The following DLGAP2 variants were observed in gnomAD, a reference collection of about 807,000 sequenced individuals.
DLGAP2 encodes disks large-associated protein 2.
Under a neutral mutation model 100.3 loss-of-function variants are expected in DLGAP2, and 26 were observed. The observed-to-expected ratio is 0.26, with a 90% CI of 0.19 to 0.36. DLGAP2 has a LOEUF of 0.36. Among genes scored for constraint, DLGAP2 ranks in the 10% least tolerant of loss-of-function variants. DLGAP2 has a pLI of 1.00. For missense variants in DLGAP2, 1,858 were observed against 1,453.2 expected, an observed-to-expected ratio of 1.28 and a Z score of -4.53; for synonymous variants, 886 against 630.1, an observed-to-expected ratio of 1.41 and a Z score of -6.08.
At chr8:1,011,706 G>C (rs1249252190) in intron 2 of DLGAP2, among the ~76,000 whole-genome samples, 1 of 149,156 alleles carries the variant, frequency 6.7e-6, no homozygotes, top group Admixed American at 6.7e-5. Context: ...GGAATGAGGA[G>C]TCTCAGTCTA....
At chr8:1,598,005 T>G (rs1796511753) in intron 6 of DLGAP2, among the ~76,000 whole-genome samples, 2 of 152,304 alleles carry the variant, frequency 1.3e-5, no homozygotes, top group South Asian at 2.1e-4. Context: ...GGCTGTGGGT[T>G]TGTCATAAAT....
intron 1 of DLGAP2, among the ~76,000 whole-genome samples, chr8:774,497 C>A (rs1177161406): frequency 4.6e-5 from 7 of 151,620 alleles, no homozygotes; most frequent in Non-Finnish European, 1.0e-4. Context: ...ACGTTTAAGT[C>A]TTTAATCCAT....
Position 1,654,627 on chromosome 8 carries a change from C to T in DLGAP2, c.1811-13702C>T, listed in dbSNP as rs113947560. On this transcript the variant is annotated intron_variant, in intron 8 of 14. Coordinates refer to ENST00000637795, the MANE Select transcript of DLGAP2 (RefSeq NM_001346810.2). Reference sequence around the variant, plus strand: ...AGTGAGCTGCGATCACGCCATTGCACTCCAGCCTGGGTGACAAGAGTGAAA... The same window carrying T: ...AGTGAGCTGCGATCACGCCATTGCATTCCAGCCTGGGTGACAAGAGTGAAA... 5.0e-3 allele frequency among the ~76,000 whole-genome samples: 754 copies of T among 149,772 alleles called. 6 individuals carry two copies. The highest frequency in any genetic ancestry group is 0.017 in the African/African-American group (699 of 40,404).
intron 2 of DLGAP2, among the ~76,000 whole-genome samples, chr8:1,192,513 CGTCTGTCTGAA>C (rs1797661195): frequency 6.6e-6 from 1 of 151,992 alleles, no homozygotes; most frequent in Non-Finnish European, 1.5e-5. Context: ...CCTGCTCCTC[CGTCTGTCTGAA>C]ATCTCATGCC....
chr8:1,484,678 A>G (rs1799193055), intron 3 of DLGAP2, among the ~76,000 whole-genome samples: 1 of 152,236 alleles, frequency 6.6e-6, no homozygotes, highest in South Asian at 2.1e-4. Flanking sequence ...CATTTGATAG[A>G]AAGATATTCA....
At chr8:1,302,982 C>T (rs1250074579) in intron 3 of DLGAP2, among the ~76,000 whole-genome samples, 1 of 152,246 alleles carries the variant, frequency 6.6e-6, no homozygotes, top group Non-Finnish European at 1.5e-5. Flanking sequence ...GGAGTCATTC[C>T]TTAGCTGTCG....
intron 1 of DLGAP2, among the ~76,000 whole-genome samples, chr8:868,558 T>C (rs909262247): frequency 2.0e-5 from 3 of 152,216 alleles, no homozygotes; most frequent in African/African-American, 7.2e-5. Context: ...GATGTGTCAC[T>C]AATCCAGAAA....
At chr8:1,012,069 T>G (rs543342177) in intron 2 of DLGAP2, among the ~76,000 whole-genome samples, 5 of 152,338 alleles carry the variant, frequency 3.3e-5, no homozygotes, top group Admixed American at 3.3e-4. Flanking sequence ...GTCCTTCACA[T>G]GCATGGCCCG....
intron 4 of DLGAP2, among the ~76,000 whole-genome samples, chr8:1,512,420 G>A (rs1250372736): frequency 6.6e-6 from 1 of 152,162 alleles, no homozygotes; most frequent in Non-Finnish European, 1.5e-5. Flanking sequence ...ATAGGGACGG[G>A]GCCAGCGTGG....
At chr8:1,204,055 C>G (rs1185199673) in intron 2 of DLGAP2, among the ~76,000 whole-genome samples, 3 of 152,224 alleles carry the variant, frequency 2.0e-5, no homozygotes. Flanking sequence ...CTGAGGATCT[C>G]AGGAGAATGC....
chr8:1,352,004 A>C (rs1474144076), intron 3 of DLGAP2, among the ~76,000 whole-genome samples: 1 of 64,634 alleles, frequency 1.5e-5, no homozygotes, highest in Admixed American at 2.3e-4. Flanking sequence ...GTGTGTGGAA[A>C]GGCCGTGCGG....
intron 3 of DLGAP2, among the ~76,000 whole-genome samples, chr8:1,337,504 A>T (rs1801315480): frequency 6.8e-6 from 1 of 148,020 alleles, no homozygotes; most frequent in Non-Finnish European, 1.5e-5. Context: ...GGTGATGAGG[A>T]TGATGATGGT....
At chr8:915,375 G>A (rs1044876327) in intron 2 of DLGAP2, among the ~76,000 whole-genome samples, 1 of 152,108 alleles carries the variant, frequency 6.6e-6, no homozygotes, top group Admixed American at 6.5e-5. Flanking sequence ...GTGAAACCCG[G>A]TCTCTACTAA....
chr8:1,675,304 AC>A, intron 10 of DLGAP2, among the ~76,000 whole-genome samples: 1 of 152,032 alleles, frequency 6.6e-6, no homozygotes, highest in Non-Finnish European at 1.5e-5. Context: ...CCTAGCCCTG[AC>A]CCCAACCAGG....
At chr8:1,200,305 G>C (rs948332494) in intron 2 of DLGAP2, among the ~76,000 whole-genome samples, 1 of 152,166 alleles carries the variant, frequency 6.6e-6, no homozygotes, top group Non-Finnish European at 1.5e-5. Context: ...GGGGTCCTGC[G>C]TGTTCTTTTC....
chr8:1,142,703 G>A (rs562952255), intron 2 of DLGAP2, among the ~76,000 whole-genome samples: 2 of 152,284 alleles, frequency 1.3e-5, no homozygotes, highest in East Asian at 1.9e-4. Context: ...AGGGCAGGAC[G>A]GGGCTGCCAT....
At chr8:1,339,682 A>G (rs2096190427) in intron 3 of DLGAP2, among the ~76,000 whole-genome samples, 2 of 152,126 alleles carry the variant, frequency 1.3e-5, no homozygotes, top group African/African-American at 4.8e-5. Context: ...CCTTCGTTTA[A>G]TAGGGGGATC....
At chr8:1,454,645 A>T (rs886748) in intron 3 of DLGAP2, among the ~76,000 whole-genome samples, 73,680 of 151,994 alleles carry the variant, frequency 0.48, 18,530 homozygotes, top group East Asian at 0.84. Context: ...GGGGCTGGAT[A>T]TTTCCAAAAA....
intron 3 of DLGAP2, among the ~76,000 whole-genome samples, chr8:1,483,961 G>GT (rs1799174318): frequency 6.6e-6 from 1 of 152,234 alleles, no homozygotes; most frequent in South Asian, 2.1e-4. Flanking sequence ...GGGCAACAGT[G>GT]TTCTTGCCCA....
Sources: gnomAD v4.1 joint callset for allele counts (sites outside exome capture counted in the v4.1 genomes callset) on GRCh38, gnomAD v4.1.1 for gene constraint, MANE v1.5 for transcripts, NCBI Gene and HGNC (gene_info 2026-07-23, HGNC 2026-07-21) for gene names.